Variants in CELSR1 observed in about 807,000 individuals in gnomAD.
CELSR1 encodes cadherin EGF LAG seven-pass G-type receptor 1.
CELSR1 carries 110 observed loss-of-function variants against 249.1 expected under a neutral mutation model. The ratio of observed to expected loss-of-function variants is 0.44; its 90% CI spans 0.38 to 0.52. The LOEUF (loss-of-function observed/expected upper bound fraction) is 0.52, where lower values mean the gene tolerates loss of function less well. CELSR1 is among the 20% of genes least tolerant of loss of function. The pLI, the probability that CELSR1 is intolerant of heterozygous loss-of-function variation, is 0.00. For missense variants in CELSR1, 4,109 were observed against 4,296.4 expected (o/e 0.96, Z 1.22); for synonymous variants, 2,113 against 1,900.0 (o/e 1.11, Z -2.92).
chr22:46,489,792 G>A (rs2080349881), intron 1 of CELSR1, among the ~76,000 whole-genome samples: 2 of 151,990 alleles, frequency 1.3e-5, no homozygotes, highest in African/African-American at 4.8e-5. Flanking sequence ...CTACTCGGGA[G>A]GCTGAGGCAT....
intron 1 of CELSR1, among the ~76,000 whole-genome samples, chr22:46,510,017 C>T (rs909091648): frequency 3.3e-5 from 5 of 152,212 alleles, no homozygotes; most frequent in African/African-American, 1.2e-4. Context: ...GCAGGAAGGA[C>T]AGCCCATGTC....
Position 46,463,792 on chromosome 22 carries a change from G to A in CELSR1, c.4098C>T (p.Leu1366=). 1.2e-6 allele frequency: 2 copies of A among 1,605,632 alleles called. No individual in the cohort carries two copies. Among genetic ancestry groups the A allele is most frequent in the Non-Finnish European group, 1.7e-6 (2 of 1,176,142 alleles). ...TGDYCETEID[L]CYSDPCGANG... is the part of the protein sequence containing the mutation. ...TGGCGCCGCACGGGTCGGAGTAGCA[G>A]AGGTCGATCTCCGTCTCGCAGTAGT... is the stretch of plus-strand genomic sequence containing the variant. Residue 1366 remains leucine (L), a synonymous_variant, in exon 2 of 35, where the codon CTC becomes CTT. Coordinates refer to ENST00000674500, the MANE Select transcript of CELSR1 (RefSeq NM_001378328.1).
chr22:46,386,593 G>A lies in CELSR1; in HGVS notation c.6556-8C>T. ...GCCCGAGTGGATGACGTCCTGGTCAGACAGACAGCACTCAGTACTCAGCCT... is the reference window on the plus strand; with the variant it reads ...GCCCGAGTGGATGACGTCCTGGTCAAACAGACAGCACTCAGTACTCAGCCT... On this transcript the variant is annotated splice_polypyrimidine_tract_variant and splice_region_variant and intron_variant, in intron 18 of 34. Coordinates refer to ENST00000674500, the MANE Select transcript of CELSR1 (RefSeq NM_001378328.1). 6.3e-7 allele frequency: 1 copy of A among 1,583,012 alleles called. No homozygotes were observed. The highest frequency in any genetic ancestry group is 1.1e-5 in the South Asian group (1 of 87,942).
At chr22:46,465,684 G>C (rs1305225065) in intron 1 of CELSR1, among the ~76,000 whole-genome samples, 1 of 152,248 alleles carries the variant, frequency 6.6e-6, no homozygotes, top group Non-Finnish European at 1.5e-5. Context: ...ATCTGGGAGG[G>C]ACCTGGAGTC....
rs1038629267 is a variant in CELSR1, at chr22:46,401,542, G to A, written c.5227-1640C>T. On this transcript the variant is annotated intron_variant, in intron 9 of 34. Coordinates refer to ENST00000674500, the MANE Select transcript of CELSR1 (RefSeq NM_001378328.1). The surrounding 1 kb of genome is among the most constrained non-coding windows in gnomAD (Gnocchi z 4.7). ...GAGGCTGAGCGTGCAGTCAGGTCACGGCTGCCAGGTACCTGAAACCCCTGC... is the reference window on the plus strand; with the variant it reads ...GAGGCTGAGCGTGCAGTCAGGTCACAGCTGCCAGGTACCTGAAACCCCTGC... Among the ~76,000 whole-genome samples, 24 of 152,194 alleles carry A rather than the reference G, an allele frequency of 1.6e-4. No individual in the cohort carries two copies. Among genetic ancestry groups the A allele is most frequent in the African/African-American group, 3.9e-4 (16 of 41,442 alleles).
At chr22:46,443,464 A>G (rs1231287464) in intron 2 of CELSR1, among the ~76,000 whole-genome samples, 1 of 152,188 alleles carries the variant, frequency 6.6e-6, no homozygotes, top group Non-Finnish European at 1.5e-5. Flanking sequence ...CCAGGCTCCC[A>G]GCACCCCTGG....
chr22:46,470,742 C>T (rs1406180960), intron 1 of CELSR1, among the ~76,000 whole-genome samples: 1 of 152,112 alleles, frequency 6.6e-6, no homozygotes, highest in Non-Finnish European at 1.5e-5. Context: ...CACAGCCTAT[C>T]CCCACAACGG....
At position 46,484,336 on chromosome 22, in the gene CELSR1, T is replaced by C. The variant is rs568496031; in HGVS notation, c.3545-19991A>G. 8.5e-5 allele frequency among the ~76,000 whole-genome samples: 13 copies of C among 152,184 alleles called. No homozygotes were observed. Among genetic ancestry groups the C allele is most frequent in the South Asian group, 2.1e-4 (1 of 4,826 alleles). Reference sequence around the variant, plus strand: ...CCTTCCACCAGCCCAGCCCAGCCCATGGTGGCAGCTGCCTCGGGCCCAGCC... The same window carrying C: ...CCTTCCACCAGCCCAGCCCAGCCCACGGTGGCAGCTGCCTCGGGCCCAGCC... On this transcript the variant is annotated intron_variant, in intron 1 of 34. Coordinates refer to ENST00000674500, the MANE Select transcript of CELSR1 (RefSeq NM_001378328.1). The surrounding 1 kb of genome is among the most constrained non-coding windows in gnomAD (Gnocchi z 4.5).
chr22:46,417,728 C>G lies in CELSR1; in HGVS notation c.4612-5969G>C, dbSNP rs903956104. ...ACTCTATGAGCCTAGGCAGACTCTT[C>G]TAGAAAGGGGGTAAGTGCATAGCTG... On this transcript the variant is annotated intron_variant, in intron 5 of 34. Transcript: ENST00000674500. This position sits in a 1 kb window ranked among gnomAD's most constrained non-coding sequence, Gnocchi z 4.1. 2.6e-5 allele frequency among the ~76,000 whole-genome samples: 4 copies of G among 152,206 alleles called. No individual in the cohort carries two copies. In the East Asian group the frequency reaches 7.7e-4, roughly 29 times the overall value.
At chr22:46,463,027 A>C (rs187347709) in intron 2 of CELSR1, 1 of 364,054 alleles carries the variant, frequency 2.7e-6, no homozygotes, top group African/African-American at 2.2e-5. Flanking sequence ...TTAAGCCTGC[A>C]ATCTGGAATA....
rs2079419963 is a variant in CELSR1 at position 46,417,761 on chromosome 22, T to C, written c.4612-6002A>G. Among the ~76,000 whole-genome samples the C allele has an allele frequency of 6.6e-6, 1 of 152,220 alleles. No homozygotes were observed. The highest frequency in any genetic ancestry group is 2.4e-5 in the African/African-American group (1 of 41,448). ...GGGGTAAGTGCATAGCTGCTATCTC[T>C]AGGGCTGTTTGGGAATGAAATGAAA... On this transcript the variant is annotated intron_variant, in intron 5 of 34. Coordinates refer to ENST00000674500, the MANE Select transcript of CELSR1 (RefSeq NM_001378328.1). This position sits in a 1 kb window ranked among gnomAD's most constrained non-coding sequence, Gnocchi z 4.1.
chr22:46,513,802 G>A (rs961584137), intron 1 of CELSR1, among the ~76,000 whole-genome samples: 3 of 152,052 alleles, frequency 2.0e-5, no homozygotes, highest in Admixed American at 2.0e-4. Flanking sequence ...TGTTGTTGTT[G>A]TTGTTTTGAG....
chr22:46,532,900 C>T (rs1015876245), intron 1 of CELSR1, among the ~76,000 whole-genome samples: 1 of 152,158 alleles, frequency 6.6e-6, no homozygotes, highest in Admixed American at 6.5e-5. Flanking sequence ...GACTGCTGAG[C>T]CAAGGTTTCC....
chr22:46,364,928 G>A (rs749362313), intron 32 of CELSR1, among the ~76,000 whole-genome samples, 192 bp from the exon 33 acceptor site: 4 of 152,204 alleles, frequency 2.6e-5, no homozygotes, highest in Non-Finnish European at 5.9e-5. Context: ...GGGAGCCCCC[G>A]CCGCATCTGT....
chr22:46,533,786 C>T lies in CELSR1; in HGVS notation c.3385G>A (p.Ala1129Thr), dbSNP rs202114318. ...CTGTCTGACACGTCGGGGTCATGGG[C>T]CGGGATGCAGCCGATCACGCCGGTG... ...FPTGVIGCIPAHDPDVSDSLN... is the reference protein window; with the variant it reads ...FPTGVIGCIPTHDPDVSDSLN... The change falls in exon 1 of 35, where the codon GCC becomes ACC. Residue 1129 changes from alanine to threonine, a missense_variant. By Grantham distance (58) the Ala-to-Thr change is moderately conservative (BLOSUM62 0). Around this residue, in one of 7 missense-constraint regions of CELSR1, gnomAD observed 886 missense variants for 896.5 expected, o/e 0.99. Transcript: ENST00000674500. 14 of 1,613,696 alleles carry T rather than the reference C, an allele frequency of 8.7e-6. No individual in the cohort carries two copies. The highest frequency in any genetic ancestry group is 2.7e-5 in the African/African-American group (2 of 75,072).
Position 46,500,053 on chromosome 22 carries a change from G to C in CELSR1, c.3544+33574C>G, listed in dbSNP as rs2080451491. 6.6e-6 allele frequency among the ~76,000 whole-genome samples: 1 copy of C among 151,660 alleles called. No homozygotes were observed. The highest frequency in any genetic ancestry group is 2.4e-5 in the African/African-American group (1 of 41,122). On this transcript the variant is annotated intron_variant, in intron 1 of 34. Transcript: ENST00000674500. This position sits in a 1 kb window ranked among gnomAD's most constrained non-coding sequence, Gnocchi z 4.9. Reference sequence around the variant, plus strand: ...TCCCGCTTATCTTCCCAAACGGGTTGTTTTCTGTGAGTCCGGACTCTCTGC... The same window carrying C: ...TCCCGCTTATCTTCCCAAACGGGTTCTTTTCTGTGAGTCCGGACTCTCTGC...
intron 1 of CELSR1, among the ~76,000 whole-genome samples, chr22:46,480,188 T>C (rs1446536640): frequency 6.6e-6 from 1 of 152,226 alleles, no homozygotes; most frequent in Non-Finnish European, 1.5e-5. Context: ...ACACACAGCC[T>C]CAAGGCCCAT....
intron 9 of CELSR1, among the ~76,000 whole-genome samples, chr22:46,400,668 T>G (rs150172815): frequency 1.3e-5 from 2 of 152,176 alleles, no homozygotes; most frequent in African/African-American, 4.8e-5. Context: ...TTAGACAAAG[T>G]TGGCTGGGCG....
At chr22:46,424,158 C>T (rs1397539042) in intron 5 of CELSR1, among the ~76,000 whole-genome samples, 2 of 152,066 alleles carry the variant, frequency 1.3e-5, no homozygotes, top group African/African-American at 2.4e-5. Context: ...CCTCGACCTT[C>T]CAGGCCCAAG....
Sources: allele counts gnomAD v4.1 joint callset (sites outside exome capture counted in the v4.1 genomes callset), GRCh38; gene constraint gnomAD v4.1.1; regional missense constraint gnomAD v4.1.1; non-coding constraint Gnocchi (gnomAD v3.1); transcripts MANE v1.5; gene names NCBI Gene and HGNC (gene_info 2026-07-23, HGNC 2026-07-21).